ERCC8: variants seen among roughly 807,000 people sequenced by gnomAD.
ERCC8 encodes the protein DNA excision repair protein ERCC-8.
In ERCC8, 52 loss-of-function variants were observed where a neutral mutation model predicts 54.9. The observed-to-expected ratio is 0.95, with a 90% CI of 0.76 to 1.19. The LOEUF (loss-of-function observed/expected upper bound fraction) is 1.19, where lower values mean the gene tolerates loss of function less well. ERCC8 is among the 50% of genes most tolerant of loss of function. The probability of loss-of-function intolerance (pLI) is 0.00; values close to 1 mark genes in which losing one functional copy is unlikely to be tolerated. For synonymous variants in ERCC8, 146 were observed against 157.2 expected, an observed-to-expected ratio of 0.93 and a Z score of 0.53; for missense variants, 514 against 466.1, an observed-to-expected ratio of 1.10 and a Z score of -0.95.
At chr5:60,903,364 T>A in intron 6 of ERCC8, 1 of 363,332 alleles carries the variant, frequency 2.8e-6, no homozygotes, top group South Asian at 2.9e-5. Context: ...CTGATGTGAG[T>A]TGCATTAGTC....
At chr5:60,925,068 T>C (rs1022626267) in intron 2 of ERCC8, among the ~76,000 whole-genome samples, 1 of 152,208 alleles carries the variant, frequency 6.6e-6, no homozygotes, top group Non-Finnish European at 1.5e-5. Context: ...GTTTTTATAA[T>C]GATTTTGTAG....
At chr5:60,889,510 C>T (rs896581942) in intron 10 of ERCC8, among the ~76,000 whole-genome samples, 1 of 152,156 alleles carries the variant, frequency 6.6e-6, no homozygotes, top group African/African-American at 2.4e-5. Flanking sequence ...CTCATTCTGT[C>T]ACCTAGGCTG....
chr5:60,867,453 A>G lies in ERCC8; in HGVS notation c.*7162T>C, dbSNP rs1747777734. Among the ~76,000 whole-genome samples the G allele has an allele frequency of 6.6e-6, 1 of 152,188 alleles. No homozygotes were observed. The highest frequency in any genetic ancestry group is 2.1e-4 in the South Asian group (1 of 4,828). On this transcript the variant is annotated 3_prime_UTR_variant, in exon 12 of 12. Transcript: ENST00000676185. Reference sequence around the variant, plus strand: ...TTATAAAGCCATTACAATGAAAAAAATAATCTTACCATTCTTTAATGTCCA... The same window carrying G: ...TTATAAAGCCATTACAATGAAAAAAGTAATCTTACCATTCTTTAATGTCCA...
At chr5:60,892,140 GT>G (rs3832350) in intron 9 of ERCC8, 68 of 473,522 alleles carry the variant, frequency 1.4e-4, no homozygotes, top group Middle Eastern at 4.2e-4. Context: ...CCACCTTACT[GT>G]TTTTTTTTAG....
At chr5:60,885,514 A>T (rs1364642333) in intron 11 of ERCC8, among the ~76,000 whole-genome samples, 1 of 152,160 alleles carries the variant, frequency 6.6e-6, no homozygotes, top group Non-Finnish European at 1.5e-5. Flanking sequence ...CAATAATTAC[A>T]TAAAGAAATG....
intron 11 of ERCC8, among the ~76,000 whole-genome samples, chr5:60,881,770 T>G (rs931567385): frequency 6.6e-6 from 1 of 152,136 alleles, no homozygotes. Context: ...CCCCTTTCTG[T>G]GACTAAGAAA....
At chr5:60,883,007 G>A (rs1196386986) in intron 11 of ERCC8, among the ~76,000 whole-genome samples, 23 of 117,124 alleles carry the variant, frequency 2.0e-4, no homozygotes, top group African/African-American at 7.2e-4. Flanking sequence ...ACACACACAT[G>A]TCTGTAGGTG....
chr5:60,939,613 T>C (rs926110807), intron 1 of ERCC8, among the ~76,000 whole-genome samples: 9 of 151,904 alleles, frequency 5.9e-5, no homozygotes, highest in Admixed American at 1.3e-4. Flanking sequence ...GCCACGTGAG[T>C]AGCTGGGATT....
chr5:60,924,993 T>C (rs1749705548), intron 2 of ERCC8, among the ~76,000 whole-genome samples: 3 of 152,204 alleles, frequency 2.0e-5, no homozygotes, highest in South Asian at 2.1e-4. Flanking sequence ...ATCTGTTTTA[T>C]AGATACTTCT....
intron 11 of ERCC8, among the ~76,000 whole-genome samples, chr5:60,881,844 C>T (rs1748242834): frequency 6.6e-6 from 1 of 152,210 alleles, no homozygotes; most frequent in East Asian, 1.9e-4. Context: ...TTGGCTCATG[C>T]TCAGTGCGCT....
rs188647416 is a variant in ERCC8 at position 60,909,234 on chromosome 5, C to T, written c.400-4361G>A. 6.7e-4 allele frequency among the ~76,000 whole-genome samples: 18 copies of T among 27,066 alleles called. No individual in the cohort carries two copies. In the East Asian group the frequency reaches 0.023, roughly 34 times the overall value. The allele number at this position is 27,066 out of a possible 152,430, so 17.8% of individuals were successfully genotyped here. ...CAAGTTTTAAATGCAGACAAAAATG[C>T]CCTATTCTGAAAAAAAAAAAAAAAA... On this transcript the variant is annotated intron_variant, in intron 4 of 11. Coordinates refer to ENST00000676185, the MANE Select transcript of ERCC8 (RefSeq NM_000082.4).
At chr5:60,913,342 T>C (rs974745139) in intron 4 of ERCC8, among the ~76,000 whole-genome samples, 1 of 152,152 alleles carries the variant, frequency 6.6e-6, no homozygotes, top group Non-Finnish European at 1.5e-5. Flanking sequence ...TGTCGAGGAA[T>C]TTATCCATTT....
chr5:60,931,281 G>T (rs755014243), intron 1 of ERCC8, among the ~76,000 whole-genome samples: 1 of 152,062 alleles, frequency 6.6e-6, no homozygotes, highest in African/African-American at 2.4e-5. Flanking sequence ...TGGCTGAGCC[G>T]CATTTGAACT....
At chr5:60,939,347 T>C (rs1239427166) in intron 1 of ERCC8, among the ~76,000 whole-genome samples, 1 of 152,246 alleles carries the variant, frequency 6.6e-6, no homozygotes, top group Non-Finnish European at 1.5e-5. Flanking sequence ...CAAATACATT[T>C]GGTTTTTGAT....
rs985023619 is a variant in ERCC8 at position 60,870,595 on chromosome 5, G to A, written c.*4020C>T. Among the ~76,000 whole-genome samples the A allele has an allele frequency of 4.0e-5, 6 of 151,440 alleles. No homozygotes were observed. The highest frequency in any genetic ancestry group is 1.5e-4 in the African/African-American group (6 of 41,158). On this transcript the variant is annotated 3_prime_UTR_variant, in exon 12 of 12. Coordinates refer to ENST00000676185, the MANE Select transcript of ERCC8 (RefSeq NM_000082.4). Reference sequence around the variant, plus strand: ...GAAAATTGCTTGAACCTGGGAAGCGGAGGTTGCAGTGAGCTGAGATGGCGC... The same window carrying A: ...GAAAATTGCTTGAACCTGGGAAGCGAAGGTTGCAGTGAGCTGAGATGGCGC...
At chr5:60,908,572 T>C (rs1749147413) in intron 4 of ERCC8, among the ~76,000 whole-genome samples, 1 of 92,404 alleles carries the variant, frequency 1.1e-5, no homozygotes, top group Non-Finnish European at 2.3e-5. Flanking sequence ...TACATATATA[T>C]ATATATATAT....
intron 6 of ERCC8, chr5:60,903,428 T>C (rs1359011823): frequency 1.5e-6 from 1 of 682,106 alleles, no homozygotes; most frequent in Non-Finnish European, 2.3e-6. Context: ...TTTCATATTG[T>C]TTGAGCTTCC....
chr5:60,931,686 T>C (rs1237253424), intron 1 of ERCC8, among the ~76,000 whole-genome samples: 1 of 152,214 alleles, frequency 6.6e-6, no homozygotes, highest in Non-Finnish European at 1.5e-5. Context: ...CAAAACTTTT[T>C]TTTTCATATT....
At chr5:60,940,598 T>A (rs1430667854) in intron 1 of ERCC8, among the ~76,000 whole-genome samples, 10 of 152,130 alleles carry the variant, frequency 6.6e-5, no homozygotes, top group African/African-American at 2.2e-4. Flanking sequence ...CCAGAACTCA[T>A]CCCTGAGTGA....
Sources: gnomAD v4.1 joint callset for allele counts (sites outside exome capture counted in the v4.1 genomes callset) on GRCh38, gnomAD v4.1.1 for gene constraint, MANE v1.5 for transcripts, NCBI Gene and HGNC (gene_info 2026-07-23, HGNC 2026-07-21) for gene names.